Variants in TRMT11 observed in about 807,000 individuals in gnomAD.
The protein encoded by TRMT11 is tRNA methyltransferase 11.
In TRMT11, 53 loss-of-function variants were observed where a neutral mutation model predicts 62.8. The ratio of observed to expected loss-of-function variants is 0.84; its 90% CI spans 0.68 to 1.06. The LOEUF is 1.06. Among genes scored for constraint, TRMT11 ranks in the 50% least tolerant of loss-of-function variants. The pLI, the probability that TRMT11 is intolerant of heterozygous loss-of-function variation, is 0.00. For synonymous variants in TRMT11, 188 were observed against 190.3 expected (o/e 0.99, Z 0.10); for missense variants, 556 against 553.4 (o/e 1.00, Z -0.05).
chr6:126,191,483 T>G (rs1162129453), intron 1 of TRMT11, among the ~76,000 whole-genome samples: 1 of 143,014 alleles, frequency 7.0e-6, no homozygotes, highest in Non-Finnish European at 1.5e-5. Context: ...TTTTTTTTTT[T>G]GCTTTTGTAG....
intron 19 of TRMT11, among the ~76,000 whole-genome samples, chr6:126,114,844 G>C (rs1271915007): frequency 6.6e-6 from 1 of 152,034 alleles, no homozygotes; most frequent in African/African-American, 2.4e-5. Context: ...GAACAGGCTT[G>C]ATAAAGAGCA....
chr6:126,234,569 G>A, the TRMT11 span, among the ~76,000 whole-genome samples: 1 of 152,048 alleles, frequency 6.6e-6, no homozygotes, highest in East Asian at 1.9e-4. Context: ...AGGTGCTTGA[G>A]GAAAAGAATC....
chr6:126,080,496 C>G (rs1024952312), intron 17 of TRMT11, among the ~76,000 whole-genome samples: 1 of 152,074 alleles, frequency 6.6e-6, no homozygotes, highest in Non-Finnish European at 1.5e-5. Flanking sequence ...AGATTTAGAG[C>G]CCCTTGATTG....
intron 21 of TRMT11, among the ~76,000 whole-genome samples, chr6:126,165,105 C>T (rs1171066226): frequency 2.6e-5 from 4 of 151,960 alleles, no homozygotes; most frequent in East Asian, 1.9e-4. Flanking sequence ...GGTGAAACCC[C>T]GTCTCTACTA....
chr6:126,174,545 G>A (rs1778364058), upstream of TRMT11, among the ~76,000 whole-genome samples: 1 of 152,150 alleles, frequency 6.6e-6, no homozygotes, highest in Admixed American at 6.5e-5. Flanking sequence ...TGCCTATATG[G>A]CACTTAGCAC....
At chr6:125,988,726 A>G (rs1180659174) in intron 1 of TRMT11, among the ~76,000 whole-genome samples, 1 of 152,198 alleles carries the variant, frequency 6.6e-6, no homozygotes, top group Non-Finnish European at 1.5e-5. Context: ...AGAAGAGCAT[A>G]GGTATTAGAG....
intron 1 of TRMT11, among the ~76,000 whole-genome samples, chr6:126,187,435 A>G (rs1374102977): frequency 6.6e-6 from 1 of 152,024 alleles, no homozygotes; most frequent in African/African-American, 2.4e-5. Context: ...TAAAATTTAT[A>G]CAATGTTACT....
intron 12 of TRMT11, among the ~76,000 whole-genome samples, chr6:126,033,723 G>A (rs764425144): frequency 5.5e-4 from 83 of 152,252 alleles, no homozygotes; most frequent in Admixed American, 1.6e-3. Flanking sequence ...CTATCAAAAC[G>A]GTGCTCCTGG....
the TRMT11 span, among the ~76,000 whole-genome samples, chr6:126,210,491 G>T: frequency 6.6e-6 from 1 of 152,154 alleles, no homozygotes; most frequent in South Asian, 2.1e-4. Flanking sequence ...TCCCTGACTG[G>T]ACTCCTGACC....
At chr6:126,045,175 G>A (rs1009292365) in intron 16 of TRMT11, among the ~76,000 whole-genome samples, 5 of 147,154 alleles carry the variant, frequency 3.4e-5, no homozygotes, top group Admixed American at 2.0e-4. Context: ...GTGACAGAGC[G>A]AGACTCCATC....
chr6:126,177,710 C>T (rs933509209), intron 1 of TRMT11, among the ~76,000 whole-genome samples: 1 of 152,102 alleles, frequency 6.6e-6, no homozygotes, highest in Non-Finnish European at 1.5e-5. Flanking sequence ...ATACTATACA[C>T]AGCTGAGCTC....
intron 1 of TRMT11, among the ~76,000 whole-genome samples, chr6:126,194,340 A>G (rs1778640100): frequency 6.6e-6 from 1 of 152,142 alleles, no homozygotes; most frequent in African/African-American, 2.4e-5. Flanking sequence ...TCGGTATTGG[A>G]TGAATACATG....
chr6:126,056,979 A>G (rs1032189514), intron 17 of TRMT11, among the ~76,000 whole-genome samples: 2 of 152,206 alleles, frequency 1.3e-5, no homozygotes, highest in African/African-American at 4.8e-5. Flanking sequence ...TAATTATGGA[A>G]GGGATCAATG....
chr6:126,011,487 A>G (rs1562261466), intron 9 of TRMT11, 70 bp downstream of exon 9: 20 of 1,373,612 alleles, frequency 1.5e-5, no homozygotes, highest in Non-Finnish European at 2.0e-5. Flanking sequence ...TAAAGTACAA[A>G]ATTTACCAAC....
intron 1 of TRMT11, among the ~76,000 whole-genome samples, chr6:125,992,490 A>G (rs1403643465): frequency 1.3e-5 from 2 of 152,022 alleles, no homozygotes; most frequent in Non-Finnish European, 2.9e-5. Flanking sequence ...GTCTTGGTTG[A>G]CTTCTTGAGC....
intron 12 of TRMT11, among the ~76,000 whole-genome samples, chr6:126,024,303 C>T (rs562752505): frequency 2.0e-5 from 3 of 152,184 alleles, no homozygotes; most frequent in African/African-American, 7.2e-5. Flanking sequence ...GCTGGAAATT[C>T]AAGAGTAAGG....
At chr6:126,201,065 T>C (rs1276096417) in intron 3 of TRMT11, among the ~76,000 whole-genome samples, 1 of 152,198 alleles carries the variant, frequency 6.6e-6, no homozygotes, top group African/African-American at 2.4e-5. Flanking sequence ...ATCCAAAGCG[T>C]ACTCCCTGCC....
At chr6:126,160,021 G>A (rs1320919289) in intron 21 of TRMT11, among the ~76,000 whole-genome samples, 1 of 152,166 alleles carries the variant, frequency 6.6e-6, no homozygotes, top group Admixed American at 6.5e-5. Flanking sequence ...TACCTCGGGT[G>A]TTTTAACATA....
At chr6:126,151,859 T>TTTCTTTCTTTCTTTCTTTCTTTCTTTCC in intron 21 of TRMT11, among the ~76,000 whole-genome samples, 1 of 132,438 alleles carries the variant, frequency 7.6e-6, no homozygotes, top group Admixed American at 7.5e-5. Context: ...TCTTTCTTTC[T>TTTCTTTCTTTCTTTCTTTCTTTCTTTCC]TTCTTTCCTT....
Sources: gnomAD v4.1 joint callset for allele counts (sites outside exome capture counted in the v4.1 genomes callset) on GRCh38, gnomAD v4.1.1 for gene constraint, MANE v1.5 for transcripts, NCBI Gene and HGNC (gene_info 2026-07-23, HGNC 2026-07-21) for gene names.